The following C1GALT1C1L variants were observed in gnomAD, a reference collection of about 807,000 sequenced individuals.
C1GALT1C1L encodes the protein C1GALT1 specific chaperone 1 like, also known as C1GALT1-specific chaperone 1-like protein.
In C1GALT1C1L, 1 loss-of-function variant was observed where a neutral mutation model predicts 0.5. That is an observed-to-expected ratio of 2.11 (90% CI 0.75 to 10.02). The LOEUF is 10.02. C1GALT1C1L is among the 30% of genes most tolerant of loss of function. C1GALT1C1L has a pLI of 0.13. For synonymous variants in C1GALT1C1L, 148 were observed against 132.6 expected, an observed-to-expected ratio of 1.12 and a Z score of -0.80; for missense variants, 444 against 375.5, an observed-to-expected ratio of 1.18 and a Z score of -1.51.
In C1GALT1C1L at chr2:43,675,822, C is replaced by T; in HGVS notation, c.501G>A (p.Leu167=). The change falls in exon 1 of 1, where the codon CTG becomes CTA. Residue 167 remains leucine, a synonymous_variant. Coordinates refer to ENST00000475092, the MANE Select transcript of C1GALT1C1L (RefSeq NM_001101330.3). ...GGTCTCCAAATATAACAGTGTGGCCCAGATAGAAGGGCTGGGATGCATCCC... is the reference window on the plus strand; with the variant it reads ...GGTCTCCAAATATAACAGTGTGGCCTAGATAGAAGGGCTGGGATGCATCCC... The part of the protein sequence containing the change: ...FTRDASQPFY[L]GHTVIFGDLE... The T allele has an allele frequency of 6.2e-7, 1 of 1,613,940 alleles. No individual in the cohort carries two copies. The highest frequency in any genetic ancestry group is 8.5e-7 in the Non-Finnish European group (1 of 1,179,880).
chr2:43,675,475 A>G lies in C1GALT1C1L; in HGVS notation c.848T>C (p.Met283Thr), dbSNP rs369611436. Residue 283 changes from methionine to threonine, a missense_variant, in exon 1 of 1, where the codon ATG (methionine) becomes ACG (threonine). Coordinates refer to ENST00000475092, the MANE Select transcript of C1GALT1C1L (RefSeq NM_001101330.3). ...ITFNGLTPQK[M>T]EVMMYGLYRL... is the part of the protein sequence containing the mutation. Reference sequence around the variant, plus strand: ...GTACAGGCCATACATCATTACTTCCATCTTTTGGGGGGTCAGTCCATTGAA... The same window carrying G: ...GTACAGGCCATACATCATTACTTCCGTCTTTTGGGGGGTCAGTCCATTGAA... 3.3e-5 allele frequency: 53 copies of G among 1,613,822 alleles called. No homozygotes were observed. The highest frequency in any genetic ancestry group is 3.9e-5 in the Non-Finnish European group (46 of 1,179,888).
In C1GALT1C1L at chr2:43,676,056, C is replaced by T; in HGVS notation, c.267G>A (p.Glu89=). 1.9e-6 allele frequency: 3 copies of T among 1,613,938 alleles called. No individual in the cohort carries two copies. The highest frequency in any genetic ancestry group is 2.5e-6 in the Non-Finnish European group (3 of 1,179,870). ...EDESYWAVLK[E]TWTKHCDKAE... is the part of the protein sequence containing the mutation. ...CTTTGTCACAGTGTTTGGTCCAGGT[C>T]TCTTTCAGTACAGCCCAGTAACTCT... Residue 89 remains glutamate, a synonymous_variant, in exon 1 of 1, where the codon GAG becomes GAA. Coordinates refer to ENST00000475092, the MANE Select transcript of C1GALT1C1L (RefSeq NM_001101330.3).
rs752449928 is a variant in C1GALT1C1L at position 43,675,506 on chromosome 2, T to C, written c.817A>G (p.Ile273Val). 3 of 1,613,902 alleles carry C rather than the reference T, an allele frequency of 1.9e-6. No individual in the cohort carries two copies. The highest frequency in any genetic ancestry group is 2.7e-5 in the African/African-American group (2 of 74,924). The change falls in exon 1 of 1, where the codon ATT becomes GTT. Residue 273 changes from isoleucine (I) to valine (V), a missense_variant. Ile to Val is a conservative substitution (Grantham distance 29, BLOSUM62 3). Coordinates refer to ENST00000475092, the MANE Select transcript of C1GALT1C1L (RefSeq NM_001101330.3). Reference protein sequence around the residue: ...VVEGCCSDMAITFNGLTPQKM... With the variant: ...VVEGCCSDMAVTFNGLTPQKM... Reference sequence around the variant, plus strand: ...TGGGGGGTCAGTCCATTGAAAGTAATAGCCATATCTGAACAGCAGCCTTCT... The same window carrying C: ...TGGGGGGTCAGTCCATTGAAAGTAACAGCCATATCTGAACAGCAGCCTTCT...
At position 43,676,391 on chromosome 2, in the gene C1GALT1C1L, T is replaced by C; in HGVS notation, c.-69A>G. ...GGACCGGGTCCTGGGGTCCCGCGCCTTCCGGAGCTGGCGGCTGCGCTCCCG... is the reference window on the plus strand; with the variant it reads ...GGACCGGGTCCTGGGGTCCCGCGCCCTCCGGAGCTGGCGGCTGCGCTCCCG... On this transcript the variant is annotated 5_prime_UTR_variant, in exon 1 of 1. Transcript: ENST00000475092. 7.6e-7 allele frequency: 1 copy of C among 1,311,506 alleles called. No homozygotes were observed. Among genetic ancestry groups the C allele is most frequent in the East Asian group, 2.4e-5 (1 of 42,432 alleles). The allele number at this position is 1,311,506 out of a possible 1,614,324, so 81.2% of individuals were successfully genotyped here.
chr2:43,675,690 A>G lies in C1GALT1C1L; in HGVS notation c.633T>C (p.Ile211=), dbSNP rs752918514. Residue 211 remains isoleucine, a synonymous_variant, in exon 1 of 1, where the codon ATT becomes ATC. Coordinates refer to ENST00000475092, the MANE Select transcript of C1GALT1C1L (RefSeq NM_001101330.3). ...GCTGCTTATCTTCAGATAACTTCCA[A>G]ATCACACTTTGATCTGCACAGGTCT... is the stretch of plus-strand genomic sequence containing the variant. ...NSETCADQSV[I]WKLSEDKQLA... is the part of the protein sequence containing the mutation. 1.2e-6 allele frequency: 2 copies of G among 1,613,928 alleles called. No individual in the cohort carries two copies. Among genetic ancestry groups the G allele is most frequent in the Non-Finnish European group, 1.7e-6 (2 of 1,179,900 alleles).
chr2:43,675,598 A>G lies in C1GALT1C1L; in HGVS notation c.725T>C (p.Val242Ala), dbSNP rs761617256. The stretch of plus-strand genomic sequence containing the variant: ...CTGTGCGATTGGTTTTGTATTAAAT[A>G]CATCTCTTCCTTCATAATCCTCTGC... ...ENAEDYEGRDVFNTKPIAQLI... is the reference protein window; with the variant it reads ...ENAEDYEGRDAFNTKPIAQLI... Residue 242 changes from valine (V) to alanine (A), a missense_variant, in exon 1 of 1, where the codon GTA becomes GCA. Coordinates refer to ENST00000475092, the MANE Select transcript of C1GALT1C1L (RefSeq NM_001101330.3). 2.5e-6 allele frequency: 4 copies of G among 1,613,536 alleles called. No individual in the cohort carries two copies. Among genetic ancestry groups the G allele is most frequent in the Admixed American group, 1.7e-5 (1 of 59,968 alleles).
In C1GALT1C1L at chr2:43,675,566, C is replaced by T. The variant is rs1261178070; in HGVS notation, c.757G>A (p.Glu253Lys). The T allele has an allele frequency of 6.2e-7, 1 of 1,613,808 alleles. No individual in the cohort carries two copies. The highest frequency in any genetic ancestry group is 8.5e-7 in the Non-Finnish European group (1 of 1,179,788). The change falls in exon 1 of 1, where the codon GAA (glutamate) becomes AAA (lysine). Residue 253 changes from glutamate to lysine, a missense_variant. Glu to Lys is a moderately conservative substitution (Grantham distance 56, BLOSUM62 1). Transcript: ENST00000475092. ...TGAGGGTTATTAGACAATGCCTCTT[C>T]AATAAGCTGTGCGATTGGTTTTGTA... ...FNTKPIAQLI[E>K]EALSNNPQQV...
rs2104412134 is a variant in C1GALT1C1L at position 43,675,307 on chromosome 2, G to C, written c.*68C>G. 2 of 1,037,472 alleles carry C rather than the reference G, an allele frequency of 1.9e-6. No homozygotes were observed. The highest frequency in any genetic ancestry group is 2.8e-6 in the Non-Finnish European group (2 of 726,094). 64.3% of individuals were successfully genotyped at this position (1,037,472 alleles called of 1,614,324 possible). On this transcript the variant is annotated 3_prime_UTR_variant, in exon 1 of 1. Transcript: ENST00000475092. ...GAAGTACGTATTTTACACTTACACT[G>C]TATCAGAATTTGGACTAGCCACATT...
rs370291511 is a variant in C1GALT1C1L, at chr2:43,676,262, C to T, written c.61G>A (p.Val21Ile). The T allele has an allele frequency of 4.0e-5, 65 of 1,613,442 alleles. No homozygotes were observed. The highest frequency in any genetic ancestry group is 5.1e-5 in the Non-Finnish European group (60 of 1,179,790). The change falls in exon 1 of 1, where the codon GTT (valine) becomes ATT (isoleucine). Residue 21 changes from valine to isoleucine, a missense_variant. Physicochemically the swap from Val to Ile is conservative, Grantham distance 29 (BLOSUM62 3). Transcript: ENST00000475092. ...ATTTGGCCAAACATAGTTATCAAAA[C>T]CCAGGAAATGCTCCCAAGCAACATA... ...KGMLLGSISW[V>I]LITMFGQIHI...
rs760277517 is a variant in C1GALT1C1L at position 43,676,355 on chromosome 2, A to G, written c.-33T>C. 2.4e-4 allele frequency: 372 copies of G among 1,531,922 alleles called. No homozygotes were observed. Among genetic ancestry groups the G allele is most frequent in the Non-Finnish European group, 3.1e-4 (347 of 1,135,352 alleles). 94.9% of individuals were successfully genotyped at this position (1,531,922 alleles called of 1,614,324 possible). A position where few individuals can be genotyped will look rare whatever the true frequency, so the allele number is the denominator to read the frequency against. ...GCGTTAGGACAGTGTGCCAGGGTCA[A>G]AGGCAGCCTGGGACCGGGTCCTGGG... is the stretch of plus-strand genomic sequence containing the variant. On this transcript the variant is annotated 5_prime_UTR_variant, in exon 1 of 1. Coordinates refer to ENST00000475092, the MANE Select transcript of C1GALT1C1L (RefSeq NM_001101330.3).
rs747757828 is a variant in C1GALT1C1L, at chr2:43,675,727, A to C, written c.596T>G (p.Leu199Arg). ...ATCTGCACAGGTCTCAGAGTTATCGAGAAGTCTGTTAAGTCTTTTCATCAA... is the reference window on the plus strand; with the variant it reads ...ATCTGCACAGGTCTCAGAGTTATCGCGAAGTCTGTTAAGTCTTTTCATCAA... The part of the protein sequence containing the change: ...RELMKRLNRL[L>R]DNSETCADQS... The change falls in exon 1 of 1, where the codon CTC becomes CGC. Residue 199 changes from leucine (L) to arginine (R), a missense_variant. Coordinates refer to ENST00000475092, the MANE Select transcript of C1GALT1C1L (RefSeq NM_001101330.3). 6.2e-7 allele frequency: 1 copy of C among 1,613,922 alleles called. No individual in the cohort carries two copies. Among genetic ancestry groups the C allele is most frequent in the Non-Finnish European group, 8.5e-7 (1 of 1,179,886 alleles).
chr2:43,675,418 T>G lies in C1GALT1C1L; in HGVS notation c.905A>C (p.Asp302Ala). The change falls in exon 1 of 1, where the codon GAC becomes GCC. Residue 302 changes from aspartate (D) to alanine (A), a missense_variant. Asp to Ala is a moderately radical substitution (Grantham distance 126, BLOSUM62 -2). Coordinates refer to ENST00000475092, the MANE Select transcript of C1GALT1C1L (RefSeq NM_001101330.3). The stretch of plus-strand genomic sequence containing the variant: ...AACTGGAGGCAAGAAAACGAGTGTG[T>G]CATTGAAATAGTGTCCAAATGCCCT... ...RLRAFGHYFN[D>A]TLVFLPPVGS... The G allele has an allele frequency of 6.2e-7, 1 of 1,606,772 alleles. No individual in the cohort carries two copies. The highest frequency in any genetic ancestry group is 8.5e-7 in the Non-Finnish European group (1 of 1,177,214).
Position 43,675,551 on chromosome 2 carries a change from T to C in C1GALT1C1L, c.772A>G (p.Asn258Asp), listed in dbSNP as rs1238397706. ...CCTTCTACTACTTGCTGAGGGTTAT[T>C]AGACAATGCCTCTTCAATAAGCTGT... ...IAQLIEEALS[N>D]NPQQVVEGCC... The change falls in exon 1 of 1, where the codon AAT becomes GAT. Residue 258 changes from asparagine (N) to aspartate (D), a missense_variant. Asn to Asp is a conservative substitution (Grantham distance 23). Transcript: ENST00000475092. 1 of 1,613,968 alleles carries C rather than the reference T, an allele frequency of 6.2e-7. No homozygotes were observed. Among genetic ancestry groups the C allele is most frequent in the Non-Finnish European group, 8.5e-7 (1 of 1,179,856 alleles).
Position 43,675,329 on chromosome 2 carries a change from C to T in C1GALT1C1L, c.*46G>A, listed in dbSNP as rs1341495165. On this transcript the variant is annotated 3_prime_UTR_variant, in exon 1 of 1. Coordinates refer to ENST00000475092, the MANE Select transcript of C1GALT1C1L (RefSeq NM_001101330.3). Reference sequence around the variant, plus strand: ...ACTGTATCAGAATTTGGACTAGCCACATTTCAAGTGCTCTTGGACAGCACA... The same window carrying T: ...ACTGTATCAGAATTTGGACTAGCCATATTTCAAGTGCTCTTGGACAGCACA... 10 of 1,362,002 alleles carry T rather than the reference C, an allele frequency of 7.3e-6. No homozygotes were observed. The African/African-American group carries it at 1.5e-4, about 20-fold the overall frequency. The allele number at this position is 1,362,002 out of a possible 1,614,324, so 84.4% of individuals were successfully genotyped here. A position where few individuals can be genotyped will look rare whatever the true frequency, so the allele number is the denominator to read the frequency against.
At position 43,676,010 on chromosome 2, in the gene C1GALT1C1L, T is replaced by A. The variant is rs1667753231; in HGVS notation, c.313A>T (p.Asn105Tyr). 1 of 1,613,868 alleles carries A rather than the reference T, an allele frequency of 6.2e-7. No homozygotes were observed. The highest frequency in any genetic ancestry group is 1.3e-5 in the African/African-American group (1 of 74,916). ...CDKAELYDTKNDNLFNIESND... is the reference protein window; with the variant it reads ...CDKAELYDTKYDNLFNIESND... ...CTTTCTATATTGAACAAATTATCAT[T>A]TTTAGTATCGTAGAGCTCTGCTTTG... The change falls in exon 1 of 1, where the codon AAT (asparagine) becomes TAT (tyrosine). Residue 105 changes from asparagine to tyrosine, a missense_variant. Transcript: ENST00000475092.
At position 43,675,502 on chromosome 2, in the gene C1GALT1C1L, G is replaced by C; in HGVS notation, c.821C>G (p.Thr274Ser). Reference protein sequence around the residue: ...VEGCCSDMAITFNGLTPQKME... With the variant: ...VEGCCSDMAISFNGLTPQKME... ...CTTTTGGGGGGTCAGTCCATTGAAA[G>C]TAATAGCCATATCTGAACAGCAGCC... Residue 274 changes from threonine to serine, a missense_variant, in exon 1 of 1, where the codon ACT (threonine) becomes AGT (serine). By Grantham distance (58) the Thr-to-Ser change is moderately conservative. Transcript: ENST00000475092. 1 of 1,614,030 alleles carries C rather than the reference G, an allele frequency of 6.2e-7. No homozygotes were observed. The highest frequency in any genetic ancestry group is 8.5e-7 in the Non-Finnish European group (1 of 1,179,908).
In C1GALT1C1L at chr2:43,675,319, G is replaced by T; in HGVS notation, c.*56C>A. The T allele has an allele frequency of 1.6e-6, 2 of 1,217,512 alleles. No homozygotes were observed. 75.4% of individuals were successfully genotyped at this position (1,217,512 alleles called of 1,614,324 possible). A position where few individuals can be genotyped will look rare whatever the true frequency, so the allele number is the denominator to read the frequency against. The stretch of plus-strand genomic sequence containing the variant: ...TTACACTTACACTGTATCAGAATTT[G>T]GACTAGCCACATTTCAAGTGCTCTT... On this transcript the variant is annotated 3_prime_UTR_variant, in exon 1 of 1. Coordinates refer to ENST00000475092, the MANE Select transcript of C1GALT1C1L (RefSeq NM_001101330.3).
the C1GALT1C1L span, chr2:43,675,742 CTT>C: frequency 6.2e-7 from 1 of 1,613,758 alleles, no homozygotes; most frequent in Non-Finnish European, 8.5e-7. Flanking sequence ...TCTGTTAAGT[CTT>C]TTCATCAACT....
chr2:43,675,860 G>C lies in C1GALT1C1L; in HGVS notation c.463C>G (p.Leu155Val). The change falls in exon 1 of 1, where the codon CTT becomes GTT. Residue 155 changes from leucine to valine, a missense_variant. Coordinates refer to ENST00000475092, the MANE Select transcript of C1GALT1C1L (RefSeq NM_001101330.3). Reference sequence around the variant, plus strand: ...TGGGATGCATCCCTTGTAAACAAAAGGTACTTTAAATTTTCAATGACAGCA... The same window carrying C: ...TGGGATGCATCCCTTGTAAACAAAACGTACTTTAAATTTTCAATGACAGCA... ...TFAVIENLKYLLFTRDASQPF... is the reference protein window; with the variant it reads ...TFAVIENLKYVLFTRDASQPF... The C allele has an allele frequency of 1.2e-6, 2 of 1,613,994 alleles. No individual in the cohort carries two copies. Among genetic ancestry groups the C allele is most frequent in the East Asian group, 2.2e-5 (1 of 44,866 alleles).
Sources: allele counts gnomAD v4.1 joint callset, GRCh38; gene constraint gnomAD v4.1.1; transcripts MANE v1.5; gene names NCBI Gene and HGNC (gene_info 2026-07-23, HGNC 2026-07-21).